TRPA1: variants seen among roughly 807,000 people sequenced by gnomAD.
TRPA1 encodes the protein ankyrin-like with transmembrane domains 1.
Under a neutral mutation model 131.3 loss-of-function variants are expected in TRPA1, and 129 were observed. The ratio of observed to expected loss-of-function variants is 0.98; its 90% CI spans 0.85 to 1.14. The LOEUF (loss-of-function observed/expected upper bound fraction) is 1.14, where lower values mean the gene tolerates loss of function less well. Ranked by LOEUF, TRPA1 falls within the 50% of genes most tolerant of loss-of-function variation. The pLI, the probability that TRPA1 is intolerant of heterozygous loss-of-function variation, is 0.00. For synonymous variants in TRPA1, 441 were observed against 451.7 expected (o/e 0.98, Z 0.30); for missense variants, 1,304 against 1,354.2 (o/e 0.96, Z 0.58).
chr8:72,062,731 C>A, intron 6 of TRPA1, 68 bp downstream of exon 6: 1 of 1,458,446 alleles, frequency 6.9e-7, no homozygotes, highest in Non-Finnish European at 9.6e-7. Context: ...TGTAAAAGAG[C>A]TATAAAGCAT....
rs757813181 is a variant in TRPA1, at chr8:72,055,702, G to A, written c.1348C>T (p.Leu450=). Residue 450 remains leucine (L), a synonymous_variant, in exon 11 of 27, where the codon CTG becomes TTG. Coordinates refer to ENST00000262209, the MANE Select transcript of TRPA1 (RefSeq NM_007332.3). ...GACCCTTACCTGGCTGCAAAATGCA[G>A]AGGTGATTTCTTATCTTTGCTTTTG... The part of the protein sequence containing the change: ...HSKSKDKKSP[L]HFAASYGRIN... 2.5e-6 allele frequency: 4 copies of A among 1,613,606 alleles called. No individual in the cohort carries two copies. In the Admixed American group the frequency reaches 6.7e-5, roughly 27 times the overall value.
At chr8:72,081,216 C>T in the TRPA1 span, among the ~76,000 whole-genome samples, 2 of 151,728 alleles carry the variant, frequency 1.3e-5, no homozygotes, top group Non-Finnish European at 1.5e-5. Flanking sequence ...TTTGATTTGG[C>T]GTGTTTTCAG....
rs769017215 is a variant in TRPA1, at chr8:72,036,281, GTTTT to G, written c.2555+3_2555+6del. On this transcript the variant is annotated splice_donor_5th_base_variant and intron_variant, in intron 21 of 26. Coordinates refer to ENST00000262209, the MANE Select transcript of TRPA1 (RefSeq NM_007332.3). ...AAGGATGTGGAAATAATTCAAGCTT[GTTTT>G]ACCTTTGAAGATACAATAAGAAATT... 1.2e-6 allele frequency: 2 copies of G among 1,613,614 alleles called. No homozygotes were observed. Among genetic ancestry groups the G allele is most frequent in the Non-Finnish European group, 1.7e-6 (2 of 1,179,640 alleles).
chr8:72,087,631 A>AATATATATAT, the TRPA1 span, among the ~76,000 whole-genome samples: 58 of 146,408 alleles, frequency 4.0e-4, no homozygotes, highest in Non-Finnish European at 6.4e-4. Flanking sequence ...GGATCTATCA[A>AATATATATAT]ATATATATAT....
At chr8:72,053,042 A>AGAGAGAGC (rs1805565354) in intron 13 of TRPA1, 1 of 353,774 alleles carries the variant, frequency 2.8e-6, no homozygotes, top group African/African-American at 2.3e-5. Context: ...AGAGAGAGAG[A>AGAGAGAGC]GAATGAATTC....
chr8:72,045,241 T>C (rs1052910148), intron 17 of TRPA1, among the ~76,000 whole-genome samples: 1 of 151,898 alleles, frequency 6.6e-6, no homozygotes, highest in Non-Finnish European at 1.5e-5. Context: ...GCATTCTCCA[T>C]ACTCCAAGTG....
At chr8:72,060,827 T>C (rs1484540031) in intron 7 of TRPA1, among the ~76,000 whole-genome samples, 1 of 151,902 alleles carries the variant, frequency 6.6e-6, no homozygotes, top group Non-Finnish European at 1.5e-5. Context: ...GTGCATTTAT[T>C]AGAAACAGAT....
At chr8:72,088,825 C>T in the TRPA1 span, among the ~76,000 whole-genome samples, 1 of 152,058 alleles carries the variant, frequency 6.6e-6, no homozygotes, top group Admixed American at 6.6e-5. Flanking sequence ...CTTTCTACTC[C>T]CCAGAAGACA....
At position 72,069,279 on chromosome 8, in the gene TRPA1, C is replaced by T; in HGVS notation, c.269-81G>A. The T allele has an allele frequency of 2.1e-6, 3 of 1,395,882 alleles. No individual in the cohort carries two copies. The Admixed American group carries it at 5.1e-5, about 24-fold the overall frequency. 86.5% of individuals were successfully genotyped at this position (1,395,882 alleles called of 1,614,324 possible). On this transcript the variant is annotated intron_variant, in intron 2 of 26. Coordinates refer to ENST00000262209, the MANE Select transcript of TRPA1 (RefSeq NM_007332.3). The stretch of plus-strand genomic sequence containing the variant: ...TCCTGAGTGCCTATACACTATAAAA[C>T]TCAGTGCCAAGTGCAAATGAAATCA...
rs116216339 is a variant in TRPA1 at position 72,057,348 on chromosome 8, C to T, written c.1094-331G>A. On this transcript the variant is annotated intron_variant, in intron 9 of 26. Coordinates refer to ENST00000262209, the MANE Select transcript of TRPA1 (RefSeq NM_007332.3). ...AGATAGCAGAGAAGGACACCTCGCT[C>T]CTTTGTTATCAGAGGCCCAGGTTAG... Among the ~76,000 whole-genome samples, 902 of 152,206 alleles carry T rather than the reference C, an allele frequency of 5.9e-3. 14 individuals are homozygous for T. Among genetic ancestry groups the T allele is most frequent in the African/African-American group, 0.02 (831 of 41,532 alleles).
rs148756378 is a variant in TRPA1, at chr8:72,039,558, A to G, written c.2132+169T>C. The stretch of plus-strand genomic sequence containing the variant: ...GTCTTTTTCACTTTATTTTATTATT[A>G]TTATACTTTAAGTTCTAGGGCATTT... On this transcript the variant is annotated intron_variant, in intron 18 of 26. Transcript: ENST00000262209. Among the ~76,000 whole-genome samples, 906 of 152,068 alleles carry G rather than the reference A, an allele frequency of 6.0e-3. 14 individuals are homozygous for G. Among genetic ancestry groups the G allele is most frequent in the African/African-American group, 0.02 (835 of 41,508 alleles).
intron 3 of TRPA1, among the ~76,000 whole-genome samples, chr8:72,067,896 C>T (rs561525071): frequency 6.6e-6 from 1 of 152,294 alleles, no homozygotes; most frequent in South Asian, 2.1e-4. Context: ...CTCCCATTTA[C>T]TCATTCATTC....
chr8:72,049,501 G>A (rs1452118223), intron 15 of TRPA1, among the ~76,000 whole-genome samples: 1 of 152,016 alleles, frequency 6.6e-6, no homozygotes, highest in Non-Finnish European at 1.5e-5. Flanking sequence ...TTTTTCCTTT[G>A]CATGACATCT....
At chr8:72,072,678 T>C (rs2129436860) in intron 1 of TRPA1, among the ~76,000 whole-genome samples, 1 of 152,302 alleles carries the variant, frequency 6.6e-6, no homozygotes, top group South Asian at 2.1e-4. Flanking sequence ...AAAGAAAGTG[T>C]TGGCCTAAAT....
chr8:72,077,838 A>G (rs534012035), upstream of TRPA1, among the ~76,000 whole-genome samples: 2 of 152,272 alleles, frequency 1.3e-5, no homozygotes, highest in South Asian at 2.1e-4. Flanking sequence ...TTTCATTTGA[A>G]GTTTATTGAT....
intron 4 of TRPA1, among the ~76,000 whole-genome samples, chr8:72,064,762 C>T (rs16937961): frequency 0.23 from 34,354 of 151,834 alleles, 4,205 homozygotes; most frequent in East Asian, 0.35. Flanking sequence ...AAGTAACTAA[C>T]GAATATTTGA....
chr8:72,065,420 G>T, intron 4 of TRPA1, 31 bp downstream of exon 4: 1 of 1,504,756 alleles, frequency 6.6e-7, no homozygotes, highest in Non-Finnish European at 9.2e-7. Context: ...AAAAGATAAA[G>T]AAAGCAGACA....
Position 72,022,648 on chromosome 8 carries a change from T to C in TRPA1, c.*258A>G, listed in dbSNP as rs190736676. 22 of 539,696 alleles carry C rather than the reference T, an allele frequency of 4.1e-5. No individual in the cohort carries two copies. In the East Asian group the frequency reaches 6.4e-4, roughly 16 times the overall value. The allele number at this position is 539,696 out of a possible 1,614,324, so 33.4% of individuals were successfully genotyped here. Reference sequence around the variant, plus strand: ...TTCTAGCAAATTCATTTTCTACCCATTCAAATAATGAGATTATATCTCATC... The same window carrying C: ...TTCTAGCAAATTCATTTTCTACCCACTCAAATAATGAGATTATATCTCATC... On this transcript the variant is annotated 3_prime_UTR_variant, in exon 27 of 27. Coordinates refer to ENST00000262209, the MANE Select transcript of TRPA1 (RefSeq NM_007332.3).
the TRPA1 span, among the ~76,000 whole-genome samples, chr8:72,087,291 A>G: frequency 3.3e-5 from 5 of 152,234 alleles, no homozygotes; most frequent in Non-Finnish European, 7.4e-5. Context: ...GCATGGAGCC[A>G]GCTTTACCCA....
Sources: gnomAD v4.1 joint callset for allele counts (sites outside exome capture counted in the v4.1 genomes callset) on GRCh38, gnomAD v4.1.1 for gene constraint, MANE v1.5 for transcripts, NCBI Gene and HGNC (gene_info 2026-07-23, HGNC 2026-07-21) for gene names.